Variants in ERCC8 observed in about 807,000 individuals in gnomAD.
ERCC8 encodes the protein DNA excision repair protein ERCC-8.
ERCC8 carries 52 observed loss-of-function variants against 54.9 expected under a neutral mutation model. The ratio of observed to expected loss-of-function variants is 0.95; its 90% CI spans 0.76 to 1.19. The LOEUF (loss-of-function observed/expected upper bound fraction) is 1.19. Among genes scored for constraint, ERCC8 ranks in the 50% most tolerant of loss-of-function variants. ERCC8 has a pLI of 0.00. For synonymous variants in ERCC8, 146 were observed against 157.2 expected (o/e 0.93, Z 0.53); for missense variants, 514 against 466.1 (o/e 1.10, Z -0.95).
chr5:60,868,573 AAAC>A lies in ERCC8; in HGVS notation c.*6039_*6041del, dbSNP rs1313854337. 6.6e-6 allele frequency among the ~76,000 whole-genome samples: 1 copy of A among 152,236 alleles called. No individual in the cohort carries two copies. Among genetic ancestry groups the A allele is most frequent in the Non-Finnish European group, 1.5e-5 (1 of 68,034 alleles). ...TGTGATTACTTTTAATAAAAACAAAAAACAAGAAGCCACATGGCAGCAAAAGAA... is the reference window on the plus strand; with the variant it reads ...TGTGATTACTTTTAATAAAAACAAAAAAGAAGCCACATGGCAGCAAAAGAA... On this transcript the variant is annotated 3_prime_UTR_variant, in exon 12 of 12. Transcript: ENST00000676185.
intron 4 of ERCC8, chr5:60,915,149 G>T (rs1399566590): frequency 6.6e-6 from 1 of 151,902 alleles, no homozygotes; most frequent in Non-Finnish European, 1.5e-5. Context: ...GTATAAGATT[G>T]GTATTATCTC....
intron 2 of ERCC8, among the ~76,000 whole-genome samples, chr5:60,926,178 G>A (rs1479656083): frequency 6.6e-6 from 1 of 152,138 alleles, no homozygotes. Context: ...TACATTCACT[G>A]AGTATTTTGA....
At chr5:60,887,605 G>T in intron 10 of ERCC8, 85 bp from the exon 11 acceptor site, 1 of 992,524 alleles carries the variant, frequency 1.0e-6, no homozygotes, top group Non-Finnish European at 1.6e-6. Flanking sequence ...GAAATAATTA[G>T]GTCATAATAA....
In ERCC8 at chr5:60,870,849, G is replaced by A. The variant is rs774663875; in HGVS notation, c.*3766C>T. ...GCTCCCAAGAAGTCTAAGAAGTGAC[G>A]GAAGAGAATAAAAAAAGACATCAGA... is the stretch of plus-strand genomic sequence containing the variant. On this transcript the variant is annotated 3_prime_UTR_variant, in exon 12 of 12. Coordinates refer to ENST00000676185, the MANE Select transcript of ERCC8 (RefSeq NM_000082.4). Among the ~76,000 whole-genome samples the A allele has an allele frequency of 6.6e-5, 10 of 152,026 alleles. No individual in the cohort carries two copies. Among genetic ancestry groups the A allele is most frequent in the Non-Finnish European group, 1.2e-4 (8 of 68,002 alleles).
At chr5:60,922,855 T>G (rs1222489300) in intron 2 of ERCC8, among the ~76,000 whole-genome samples, 2 of 152,168 alleles carry the variant, frequency 1.3e-5, no homozygotes, top group African/African-American at 4.8e-5. Flanking sequence ...ATCACACAAA[T>G]TATTAGTTAT....
At chr5:60,941,862 T>C (rs916770597) in intron 1 of ERCC8, among the ~76,000 whole-genome samples, 10 of 152,180 alleles carry the variant, frequency 6.6e-5, no homozygotes, top group African/African-American at 2.2e-4. Flanking sequence ...TCTGGTTAAA[T>C]ATAATGGCTA....
At chr5:60,916,071 T>C (rs1411789583) in intron 4 of ERCC8, among the ~76,000 whole-genome samples, 5 of 152,054 alleles carry the variant, frequency 3.3e-5, no homozygotes, top group African/African-American at 9.7e-5. Context: ...GGAAAATTGC[T>C]GTTCTTCAAA....
chr5:60,904,679 T>A (rs1431208490), intron 5 of ERCC8, 113 bp downstream of exon 5: 3 of 196,778 alleles, frequency 1.5e-5, no homozygotes, highest in Admixed American at 1.4e-4. Flanking sequence ...TATATATATA[T>A]ATATAAAATT....
chr5:60,878,648 T>C (rs1444250159), intron 11 of ERCC8, among the ~76,000 whole-genome samples: 1 of 152,230 alleles, frequency 6.6e-6, no homozygotes, highest in Non-Finnish European at 1.5e-5. Context: ...GATTTTCTAG[T>C]TTATTTGCAT....
chr5:60,925,878 C>G (rs928150841), intron 2 of ERCC8, among the ~76,000 whole-genome samples: 1 of 152,156 alleles, frequency 6.6e-6, no homozygotes, highest in African/African-American at 2.4e-5. Flanking sequence ...GACTGGAGTA[C>G]AGTGGCATGA....
At chr5:60,913,295 T>A (rs1749329039) in intron 4 of ERCC8, among the ~76,000 whole-genome samples, 1 of 152,116 alleles carries the variant, frequency 6.6e-6, no homozygotes, top group South Asian at 2.1e-4. Flanking sequence ...ATTCAGAGAT[T>A]CAACTTCTTC....
rs187783125 is a variant in ERCC8 at position 60,908,900 on chromosome 5, T to C, written c.400-4027A>G. ...TTGTGAAATACCTTTGACCTCTTATTGAAAATCCATCTTTTATGTGGGTGC... is the reference window on the plus strand; with the variant it reads ...TTGTGAAATACCTTTGACCTCTTATCGAAAATCCATCTTTTATGTGGGTGC... On this transcript the variant is annotated intron_variant, in intron 4 of 11. Transcript: ENST00000676185. Among the ~76,000 whole-genome samples, 800 of 152,188 alleles carry C rather than the reference T, an allele frequency of 5.3e-3. 8 individuals are homozygous for C. The highest frequency in any genetic ancestry group is 0.018 in the African/African-American group (748 of 41,534).
intron 11 of ERCC8, among the ~76,000 whole-genome samples, chr5:60,882,111 G>C (rs928136788): frequency 2.8e-4 from 43 of 152,124 alleles, no homozygotes; most frequent in African/African-American, 1.0e-3. Context: ...AGAGTGCTGG[G>C]ATTACAGGCG....
intron 11 of ERCC8, among the ~76,000 whole-genome samples, chr5:60,876,706 C>T (rs1052647975): frequency 2.1e-4 from 32 of 152,226 alleles, no homozygotes; most frequent in Middle Eastern, 6.8e-3. Flanking sequence ...TCATATCCTT[C>T]GTCCACTTTT....
intron 11 of ERCC8, 61 bp from the exon 12 acceptor site, chr5:60,874,744 G>T: frequency 1.4e-6 from 2 of 1,391,812 alleles, no homozygotes; most frequent in Non-Finnish European, 9.9e-7. Context: ...ATAATTTTAG[G>T]CTCACAATAA....
At chr5:60,923,611 CT>C (rs1749663827) in intron 2 of ERCC8, among the ~76,000 whole-genome samples, 1 of 152,020 alleles carries the variant, frequency 6.6e-6, no homozygotes, top group Non-Finnish European at 1.5e-5. Flanking sequence ...GTTATTTTCA[CT>C]GTTTTTACCT....
intron 4 of ERCC8, among the ~76,000 whole-genome samples, chr5:60,909,433 A>C (rs560380620): frequency 1.3e-5 from 2 of 152,080 alleles, no homozygotes; most frequent in East Asian, 3.9e-4. Flanking sequence ...AGTTATACCA[A>C]GTGTGGCTGC....
At chr5:60,886,257 G>A (rs1271852636) in intron 11 of ERCC8, among the ~76,000 whole-genome samples, 1 of 151,894 alleles carries the variant, frequency 6.6e-6, no homozygotes, top group Non-Finnish European at 1.5e-5. Flanking sequence ...TTTAGGTCAG[G>A]GACAATGGTC....
At chr5:60,891,178 T>C in intron 9 of ERCC8, 92 bp from the exon 10 acceptor site, 3 of 841,254 alleles carry the variant, frequency 3.6e-6, no homozygotes, top group South Asian at 3.0e-5. Flanking sequence ...TATTATGCTA[T>C]AAAAAGGGCT....
Sources: gnomAD v4.1 joint callset for allele counts (sites outside exome capture counted in the v4.1 genomes callset) on GRCh38, gnomAD v4.1.1 for gene constraint, MANE v1.5 for transcripts, NCBI Gene and HGNC (gene_info 2026-07-23, HGNC 2026-07-21) for gene names.